The following KIF15 variants were observed in gnomAD, a reference collection of about 807,000 sequenced individuals.
KIF15 encodes kinesin family member 15.
KIF15 carries 140 observed loss-of-function variants against 190.6 expected under a neutral mutation model. That is an observed-to-expected ratio of 0.73 (90% CI 0.64 to 0.84). The LOEUF is 0.84. KIF15 is among the 40% of genes least tolerant of loss of function. The pLI is 0.00. For synonymous variants in KIF15, 528 were observed against 551.3 expected, an observed-to-expected ratio of 0.96 and a Z score of 0.59; for missense variants, 1,372 against 1,584.4, an observed-to-expected ratio of 0.87 and a Z score of 2.28.
chr3:44,852,885 C>T lies in KIF15; in HGVS notation c.*150C>T, dbSNP rs1699112297. Reference sequence around the variant, plus strand: ...AGGTGGTGGTAACCACCTCAAGTTTCTGATGAACATTCTGCATCCATATAC... The same window carrying T: ...AGGTGGTGGTAACCACCTCAAGTTTTTGATGAACATTCTGCATCCATATAC... On this transcript the variant is annotated 3_prime_UTR_variant, in exon 35 of 35. Transcript: ENST00000326047. 3.5e-6 allele frequency: 2 copies of T among 568,026 alleles called. No homozygotes were observed. The highest frequency in any genetic ancestry group is 3.2e-5 in the East Asian group (1 of 31,230). The allele number at this position is 568,026 out of a possible 1,614,324, so 35.2% of individuals were successfully genotyped here.
chr3:44,802,120 T>C, intron 13 of KIF15, 146 bp downstream of exon 13: 1 of 601,196 alleles, frequency 1.7e-6, no homozygotes, highest in Non-Finnish European at 2.9e-6. Flanking sequence ...TTCCTTTACC[T>C]GTCTTTTTAA....
Position 44,800,409 on chromosome 3 carries a change from G to C in KIF15, c.1194G>C (p.Gln398His). 6.2e-7 allele frequency: 1 copy of C among 1,614,126 alleles called. No homozygotes were observed. Among genetic ancestry groups the C allele is most frequent in the East Asian group, 2.2e-5 (1 of 44,872 alleles). ...AACTGGCGGAGCTTGCTTCAGGACA[G>C]ACACCACCAGAAAGCTTCCTGACCA... ...KEQLAELASG[Q>H]TPPESFLTRD... The change falls in exon 11 of 35, where the codon CAG becomes CAC. Residue 398 changes from glutamine (Q) to histidine (H), a missense_variant. By Grantham distance (24) the Gln-to-His change is conservative. Transcript: ENST00000326047.
chr3:44,861,880 C>G (rs554618678), intron 6 of KIF15: 11 of 1,491,756 alleles, frequency 7.4e-6, no homozygotes, highest in Non-Finnish European at 8.9e-6. Context: ...GGCGCGCGCT[C>G]TGCCCTGCGG....
At chr3:44,811,073 A>T in intron 17 of KIF15, 30 bp downstream of exon 17, 2 of 1,478,720 alleles carry the variant, frequency 1.4e-6, no homozygotes, top group Non-Finnish European at 1.8e-6. Flanking sequence ...AAAATAAATA[A>T]CTGGACATCC....
rs753122015 is a variant in KIF15 at position 44,840,313 on chromosome 3, A to G, written c.3319-42A>G. 1.8e-5 allele frequency: 21 copies of G among 1,180,582 alleles called. No homozygotes were observed. The Middle Eastern group carries it at 7.8e-4, about 44-fold the overall frequency. The allele number at this position is 1,180,582 out of a possible 1,614,324, so 73.1% of individuals were successfully genotyped here. ...CTTTTCTATTTGGACCATGTACCCC[A>G]TATTACTAAGTTGTAACCTTGTATC... is the stretch of plus-strand genomic sequence containing the variant. On this transcript the variant is annotated intron_variant, in intron 27 of 34. Coordinates refer to ENST00000326047, the MANE Select transcript of KIF15 (RefSeq NM_020242.3).
At chr3:44,854,554 C>T (rs1699164065), downstream of KIF15, among the ~76,000 whole-genome samples, 2 of 152,170 alleles carry the variant, frequency 1.3e-5, no homozygotes, top group South Asian at 4.1e-4. Flanking sequence ...GACACTGCAA[C>T]TGCCTCAGAG....
intron 20 of KIF15, among the ~76,000 whole-genome samples, chr3:44,819,186 A>T (rs1229889875): frequency 6.6e-6 from 1 of 152,068 alleles, no homozygotes; most frequent in East Asian, 1.9e-4. Context: ...TGATCTTTTC[A>T]AAAAACCAGC....
downstream of KIF15, among the ~76,000 whole-genome samples, chr3:44,854,595 A>G (rs1302933447): frequency 6.6e-6 from 1 of 152,216 alleles, no homozygotes; most frequent in African/African-American, 2.4e-5. Context: ...GAAGCTGATA[A>G]TGAAGAGGCT....
In KIF15 at chr3:44,801,289, C is replaced by T. The variant is rs530599178; in HGVS notation, c.1223-161C>T. ...GAAAGATATCCGTCTGCTTCAGCCT[C>T]CTAAAGTGCTGGGATTACAGGCATG... On this transcript the variant is annotated intron_variant, in intron 11 of 34. Coordinates refer to ENST00000326047, the MANE Select transcript of KIF15 (RefSeq NM_020242.3). 4.3e-4 allele frequency among the ~76,000 whole-genome samples: 65 copies of T among 152,044 alleles called. 1 individual carries two copies. The South Asian group carries it at 8.3e-3, about 19-fold the overall frequency.
chr3:44,855,433 T>C (rs1315723078), downstream of KIF15, among the ~76,000 whole-genome samples: 1 of 152,206 alleles, frequency 6.6e-6, no homozygotes, highest in Non-Finnish European at 1.5e-5. Flanking sequence ...GATATATATG[T>C]GCAGGTCACA....
At chr3:44,850,803 A>T (rs1031418497) in intron 32 of KIF15, among the ~76,000 whole-genome samples, 1 of 152,152 alleles carries the variant, frequency 6.6e-6, no homozygotes. Context: ...TTTATGTATT[A>T]TATCATCTTA....
chr3:44,806,049 G>C (rs1342539466), intron 16 of KIF15, 63 bp downstream of exon 16: 16 of 1,552,900 alleles, frequency 1.0e-5, no homozygotes, highest in Non-Finnish European at 1.3e-5. Context: ...TAATAATGGA[G>C]AGAGTCTGCA....
At chr3:44,835,214 T>C (rs1459215710) in intron 26 of KIF15, among the ~76,000 whole-genome samples, 1 of 152,100 alleles carries the variant, frequency 6.6e-6, no homozygotes, top group African/African-American at 2.4e-5. Flanking sequence ...CAGAAATTTA[T>C]GTAATTCCAC....
At chr3:44,856,004 T>G (rs1479546090), downstream of KIF15, among the ~76,000 whole-genome samples, 4 of 151,998 alleles carry the variant, frequency 2.6e-5, no homozygotes, top group Non-Finnish European at 5.9e-5. Context: ...TTGAGGATGG[T>G]AAGGGGTATG....
chr3:44,823,085 C>T (rs1187343351), intron 20 of KIF15, among the ~76,000 whole-genome samples: 8 of 152,104 alleles, frequency 5.3e-5, no homozygotes, highest in East Asian at 3.9e-4. Flanking sequence ...GGAGAAGAGG[C>T]GCTCTGGTTT....
intron 20 of KIF15, among the ~76,000 whole-genome samples, chr3:44,821,317 C>T (rs374563376): frequency 1.8e-4 from 27 of 151,184 alleles, no homozygotes; most frequent in East Asian, 1.4e-3. Context: ...ACCCCCACCT[C>T]CTTCCTGGAC....
At chr3:44,763,278 C>G (rs574703386) in intron 1 of KIF15, among the ~76,000 whole-genome samples, 34 of 152,276 alleles carry the variant, frequency 2.2e-4, no homozygotes, top group African/African-American at 7.9e-4. Context: ...GCAACTTTTA[C>G]TTTGTGCCCC....
intron 1 of KIF15, among the ~76,000 whole-genome samples, chr3:44,767,894 CAAAAAAAAAA>C (rs1181321859): frequency 2.7e-5 from 1 of 37,142 alleles, no homozygotes; most frequent in Non-Finnish European, 5.8e-5. Flanking sequence ...GACTCCATCT[CAAAAAAAAAA>C]AAAAAAAAAA....
chr3:44,803,917 T>C (rs780193967), intron 14 of KIF15, among the ~76,000 whole-genome samples: 10 of 152,122 alleles, frequency 6.6e-5, no homozygotes, highest in Non-Finnish European at 1.5e-4. Flanking sequence ...AGTGGTGCGA[T>C]CTCGGCTCAC....
Sources: allele counts gnomAD v4.1 joint callset (sites outside exome capture counted in the v4.1 genomes callset), GRCh38; gene constraint gnomAD v4.1.1; transcripts MANE v1.5; gene names NCBI Gene and HGNC (gene_info 2026-07-23, HGNC 2026-07-21).